NCR3LG1: variants seen among roughly 807,000 people sequenced by gnomAD.
NCR3LG1 encodes natural killer cell cytotoxicity receptor 3 ligand 1, also known as natural cytotoxicity triggering receptor 3 ligand 1.
In NCR3LG1, 35 loss-of-function variants were observed where a neutral mutation model predicts 34.8. The observed-to-expected ratio is 1.01, with a 90% CI of 0.77 to 1.33. The LOEUF is 1.33. Among genes scored for constraint, NCR3LG1 ranks in the 40% most tolerant of loss-of-function variants. NCR3LG1 has a pLI of 0.00. For missense variants in NCR3LG1, 452 were observed against 423.3 expected (o/e 1.07, Z -0.60); for synonymous variants, 173 against 163.6 (o/e 1.06, Z -0.44).
downstream of NCR3LG1, chr11:17,381,135 C>G (rs1953511272): frequency 3.3e-5 from 5 of 152,166 alleles, no homozygotes; most frequent in South Asian, 8.3e-4. Flanking sequence ...CCCCCTACAG[C>G]CTCTCCCCTT....
chr11:17,354,538 T>A (rs1953181867), intron 1 of NCR3LG1, among the ~76,000 whole-genome samples: 1 of 124,530 alleles, frequency 8.0e-6, no homozygotes, highest in South Asian at 2.3e-4. Context: ...ACCCCCCAAT[T>A]CTTCTTCTTT....
At chr11:17,371,601 C>T (rs924313904) in intron 4 of NCR3LG1, among the ~76,000 whole-genome samples, 2 of 152,180 alleles carry the variant, frequency 1.3e-5, no homozygotes, top group East Asian at 1.9e-4. Context: ...ATCAATCAGT[C>T]TCATTCTCTA....
intron 2 of NCR3LG1, among the ~76,000 whole-genome samples, chr11:17,358,978 T>C (rs1411660700): frequency 6.6e-6 from 1 of 152,222 alleles, no homozygotes; most frequent in African/African-American, 2.4e-5. Flanking sequence ...ATCAAGAATT[T>C]TGTTTGATTT....
intron 2 of NCR3LG1, among the ~76,000 whole-genome samples, chr11:17,362,790 T>TC (rs1953294319): frequency 1.1e-5 from 1 of 94,332 alleles, no homozygotes; most frequent in African/African-American, 7.8e-5. Context: ...CTTTCCTTCT[T>TC]TCTCTCTCTT....
intron 2 of NCR3LG1, among the ~76,000 whole-genome samples, chr11:17,359,398 A>T (rs563334908): frequency 2.9e-4 from 44 of 152,256 alleles, no homozygotes; most frequent in African/African-American, 9.9e-4. Flanking sequence ...TCCAACAGTG[A>T]GAAACCTGTA....
intron 2 of NCR3LG1, among the ~76,000 whole-genome samples, chr11:17,363,494 TTTC>T (rs1298966820): frequency 7.1e-6 from 1 of 140,980 alleles, no homozygotes; most frequent in Non-Finnish European, 1.5e-5. Context: ...TTTTTCTGTC[TTTC>T]TTTTCCCTCC....
chr11:17,367,319 C>T lies in NCR3LG1; in HGVS notation c.732C>T (p.Thr244=). 2 of 1,535,258 alleles carry T rather than the reference C, an allele frequency of 1.3e-6. No homozygotes were observed. Among genetic ancestry groups the T allele is most frequent in the Non-Finnish European group, 8.7e-7 (1 of 1,146,258 alleles). The change falls in exon 3 of 5, where the codon ACC becomes ACT. Residue 244 remains threonine (T), a synonymous_variant. Transcript: ENST00000338965. ...ATACCCCCTTGAGGAGCAACTTTAC[C>T]CTGACTGCTGCTCGGCACAGTCTTT... ...SLHTPLRSNF[T]LTAARHSLSE...
intron 4 of NCR3LG1, among the ~76,000 whole-genome samples, chr11:17,370,788 T>C (rs1352253523): frequency 2.6e-5 from 4 of 152,264 alleles, no homozygotes; most frequent in Admixed American, 1.3e-4. Context: ...CAGACTTTTC[T>C]ATTGCATTTT....
Position 17,351,893 on chromosome 11 carries a change from T to A in NCR3LG1, c.-77T>A. The A allele has an allele frequency of 3.5e-6, 4 of 1,152,412 alleles. No homozygotes were observed. The highest frequency in any genetic ancestry group is 5.0e-6 in the Non-Finnish European group (4 of 801,112). The allele number at this position is 1,152,412 out of a possible 1,614,324, so 71.4% of individuals were successfully genotyped here. On this transcript the variant is annotated 5_prime_UTR_variant, in exon 1 of 5. Transcript: ENST00000338965. ...CCGTCAACTCTTTACGCAACAGAGG[T>A]CTCCCCCTGCCCTTGGTTTCTACCG...
Position 17,351,960 on chromosome 11 carries a change from A to C in NCR3LG1, c.-10A>C. ...TCGGCGAAAAAAATTACACAACAGC[A>C]GCCGCGGCGATGACGTGGAGGGCTG... is the stretch of plus-strand genomic sequence containing the variant. On this transcript the variant is annotated 5_prime_UTR_variant, in exon 1 of 5. Coordinates refer to ENST00000338965, the MANE Select transcript of NCR3LG1 (RefSeq NM_001202439.3). 1 of 1,492,750 alleles carries C rather than the reference A, an allele frequency of 6.7e-7. No homozygotes were observed. The highest frequency in any genetic ancestry group is 1.4e-5 in the African/African-American group (1 of 70,876). The allele number at this position is 1,492,750 out of a possible 1,614,324, so 92.5% of individuals were successfully genotyped here.
At chr11:17,380,218 A>C (rs1002612695), downstream of NCR3LG1, among the ~76,000 whole-genome samples, 8 of 152,186 alleles carry the variant, frequency 5.3e-5, no homozygotes, top group Admixed American at 2.0e-4. Flanking sequence ...AACCTGAGCC[A>C]CTGTCTGTGT....
intron 2 of NCR3LG1, among the ~76,000 whole-genome samples, chr11:17,360,885 C>T (rs373558329): frequency 6.6e-6 from 1 of 152,086 alleles, no homozygotes; most frequent in East Asian, 1.9e-4. Context: ...TACAGGCTCG[C>T]GCCACCGCTC....
At chr11:17,368,787 C>G (rs1591685548) in intron 3 of NCR3LG1, 80 bp from the exon 4 acceptor site, 1 of 927,454 alleles carries the variant, frequency 1.1e-6, no homozygotes, top group East Asian at 2.6e-5. Context: ...CACAACCACA[C>G]AGTTCCCAGC....
chr11:17,357,462 C>G (rs1953223517), intron 2 of NCR3LG1, among the ~76,000 whole-genome samples: 1 of 152,156 alleles, frequency 6.6e-6, no homozygotes, highest in Non-Finnish European at 1.5e-5. Context: ...TTCAGAGATA[C>G]TGGGAATTCT....
Position 17,368,897 on chromosome 11 carries a change from A to T in NCR3LG1, c.791A>T (p.His264Leu). 6.5e-7 allele frequency: 1 copy of T among 1,534,520 alleles called. No individual in the cohort carries two copies. Among genetic ancestry groups the T allele is most frequent in the Non-Finnish European group, 8.7e-7 (1 of 1,145,640 alleles). Residue 264 changes from histidine to leucine, a missense_variant, in exon 4 of 5, where the codon CAT becomes CTT. By Grantham distance (99) the His-to-Leu change is moderately conservative. Coordinates refer to ENST00000338965, the MANE Select transcript of NCR3LG1 (RefSeq NM_001202439.3). ...ETEKTDNFSI[H>L]WWPISFIGVG... Reference sequence around the variant, plus strand: ...GAGAAGACAGATAATTTTTCCATTCATTGGTGGCCTATTTCATTCATTGGT... The same window carrying T: ...GAGAAGACAGATAATTTTTCCATTCTTTGGTGGCCTATTTCATTCATTGGT...
rs1182822189 is a variant in NCR3LG1 at position 17,375,438 on chromosome 11, GC to G, written c.*2928del. On this transcript the variant is annotated 3_prime_UTR_variant, in exon 5 of 5. Transcript: ENST00000338965. ...TCACCCTAAATAACATTGAAAATGT[GC>G]CTCTCTCACCAGGCACACACACTCA... 2 of 152,162 alleles carry G rather than the reference GC, an allele frequency of 1.3e-5. No individual in the cohort carries two copies. The highest frequency in any genetic ancestry group is 6.5e-5 in the Admixed American group (1 of 15,276). 9.4% of individuals were successfully genotyped at this position (152,162 alleles called of 1,614,324 possible).
In NCR3LG1 at chr11:17,374,685, G is replaced by A. The variant is rs1304792371; in HGVS notation, c.*2173G>A. The A allele has an allele frequency of 6.6e-6, 1 of 152,146 alleles. No homozygotes were observed. Among genetic ancestry groups the A allele is most frequent in the African/African-American group, 2.4e-5 (1 of 41,430 alleles). 9.4% of individuals were successfully genotyped at this position (152,146 alleles called of 1,614,324 possible). ...CCCCAGAACCCTCAAGCAGCTGAGGGATGCTTGGGCATTACAGGTTTTTGT... is the reference window on the plus strand; with the variant it reads ...CCCCAGAACCCTCAAGCAGCTGAGGAATGCTTGGGCATTACAGGTTTTTGT... On this transcript the variant is annotated 3_prime_UTR_variant, in exon 5 of 5. Transcript: ENST00000338965.
In NCR3LG1 at chr11:17,351,888, A is replaced by G. The variant is rs922773137; in HGVS notation, c.-82A>G. ...TGTCTCCGTCAACTCTTTACGCAAC[A>G]GAGGTCTCCCCCTGCCCTTGGTTTC... On this transcript the variant is annotated 5_prime_UTR_variant, in exon 1 of 5. Coordinates refer to ENST00000338965, the MANE Select transcript of NCR3LG1 (RefSeq NM_001202439.3). 4.6e-6 allele frequency: 5 copies of G among 1,094,514 alleles called. No homozygotes were observed. The highest frequency in any genetic ancestry group is 5.3e-5 in the East Asian group (2 of 37,860). The allele number at this position is 1,094,514 out of a possible 1,614,324, so 67.8% of individuals were successfully genotyped here.
At chr11:17,355,167 T>C (rs1370821752) in intron 1 of NCR3LG1, among the ~76,000 whole-genome samples, 1 of 152,116 alleles carries the variant, frequency 6.6e-6, no homozygotes, top group African/African-American at 2.4e-5. Flanking sequence ...GAGGAGGCAA[T>C]GAGAGGATTG....
Sources: allele counts gnomAD v4.1 joint callset (sites outside exome capture counted in the v4.1 genomes callset), GRCh38; gene constraint gnomAD v4.1.1; transcripts MANE v1.5; gene names NCBI Gene and HGNC (gene_info 2026-07-23, HGNC 2026-07-21).